Variants in DDX54 observed in about 807,000 individuals in gnomAD.
DDX54 encodes ATP-dependent RNA helicase DDX54.
In DDX54, 67 loss-of-function variants were observed where a neutral mutation model predicts 105.5. That is an observed-to-expected ratio of 0.64 (90% CI 0.52 to 0.78). The LOEUF (loss-of-function observed/expected upper bound fraction) is 0.78, where lower values mean the gene tolerates loss of function less well. DDX54 is among the 30% of genes least tolerant of loss of function. The pLI, the probability that DDX54 is intolerant of heterozygous loss-of-function variation, is 0.00. For synonymous variants in DDX54, 514 were observed against 509.9 expected, an observed-to-expected ratio of 1.01 and a Z score of -0.11; for missense variants, 1,206 against 1,230.5, an observed-to-expected ratio of 0.98 and a Z score of 0.30.
chr12:113,184,304 A>G (rs1952500486), intron 1 of DDX54, among the ~76,000 whole-genome samples: 1 of 150,610 alleles, frequency 6.6e-6, no homozygotes, highest in African/African-American at 2.4e-5. Flanking sequence ...CTGATCTTGA[A>G]CTCCTGACCT....
chr12:113,157,452 A>G lies in DDX54; in HGVS notation c.*1425T>C, dbSNP rs1952141938. On this transcript the variant is annotated 3_prime_UTR_variant, in exon 20 of 20. Coordinates refer to ENST00000306014, the MANE Select transcript of DDX54 (RefSeq NM_024072.4). ...CCCAGAACGGTTTAGGATCTCAGTC[A>G]CCACCTCTGGGAACCACCATCATCA... 1 of 663,484 alleles carries G rather than the reference A, an allele frequency of 1.5e-6. No individual in the cohort carries two copies. Among genetic ancestry groups the G allele is most frequent in the Non-Finnish European group, 2.6e-6 (1 of 382,640 alleles). 41.1% of individuals were successfully genotyped at this position (663,484 alleles called of 1,614,324 possible). A position where few individuals can be genotyped will look rare whatever the true frequency, so the allele number is the denominator to read the frequency against.
intron 18 of DDX54, 60 bp from the exon 19 acceptor site, chr12:113,161,442 C>T (rs1592996826): frequency 1.5e-6 from 2 of 1,327,708 alleles, no homozygotes; most frequent in East Asian, 4.6e-5. Flanking sequence ...GGCTCCTCCC[C>T]ACACTGCCCC....
intron 19 of DDX54, 103 bp downstream of exon 19, chr12:113,161,167 G>A (rs1952200073): frequency 2.3e-6 from 2 of 866,472 alleles, no homozygotes; most frequent in Non-Finnish European, 1.7e-6. Flanking sequence ...ACCCAGCTCT[G>A]GGGCTCTGCA....
At chr12:113,160,617 CA>C (rs928295801) in intron 19 of DDX54, among the ~76,000 whole-genome samples, 30 of 152,070 alleles carry the variant, frequency 2.0e-4, no homozygotes, top group African/African-American at 7.0e-4. Flanking sequence ...CAGGCCAGAT[CA>C]AAGAGGTCCA....
intron 17 of DDX54, 35 bp downstream of exon 17, chr12:113,162,897 C>T: frequency 6.5e-7 from 1 of 1,544,344 alleles, no homozygotes. Context: ...GTCACTCACC[C>T]CGAGCATGGA....
intron 7 of DDX54, among the ~76,000 whole-genome samples, chr12:113,176,066 T>A (rs945316128): frequency 2.0e-5 from 3 of 149,150 alleles, no homozygotes; most frequent in East Asian, 2.0e-4. Context: ...ACTTTACAAG[T>A]ATCAAGTCTT....
At chr12:113,181,626 G>A (rs369917888) in intron 1 of DDX54, among the ~76,000 whole-genome samples, 1 of 151,272 alleles carries the variant, frequency 6.6e-6, no homozygotes, top group African/African-American at 2.4e-5. Flanking sequence ...ATACATTAAA[G>A]AGCCAATCGA....
At position 113,164,109 on chromosome 12, in the gene DDX54, C is replaced by T; in HGVS notation, c.1896G>A (p.Gln632=). ...APSRPALQEK[Q]PEKEEEEEAG... is the part of the protein sequence containing the mutation. The stretch of plus-strand genomic sequence containing the variant: ...CCTCCTCCTCCTCCTCCTTCTCAGG[C>T]TGCTTCTCCTGCAGTGCTGGGCGGC... Residue 632 remains glutamine, a synonymous_variant, in exon 15 of 20, where the codon CAG becomes CAA. Transcript: ENST00000306014. The T allele has an allele frequency of 6.4e-7, 1 of 1,551,618 alleles. No individual in the cohort carries two copies. Among genetic ancestry groups the T allele is most frequent in the Non-Finnish European group, 8.7e-7 (1 of 1,147,366 alleles).
rs114497647 is a variant in DDX54, at chr12:113,163,022, C to T, written c.2105G>A (p.Gly702Glu). 4.0e-4 allele frequency: 640 copies of T among 1,609,418 alleles called. 4 individuals are homozygous for T. In the African/African-American group the frequency reaches 7.6e-3, roughly 19 times the overall value. The change falls in exon 17 of 20, where the codon GGA becomes GAA. Residue 702 changes from glycine to glutamate, a missense_variant. Transcript: ENST00000306014. This position sits in a 1 kb window ranked among gnomAD's most constrained non-coding sequence, Gnocchi z 5.9. ...ERGLSISGEG[G>E]AFEQQAAGAV... ...GCCAGCTGCCTGCTGCTCAAAGGCTCCCCCTTCCCCGCTGATGCTCAGGCT... is the reference window on the plus strand; with the variant it reads ...GCCAGCTGCCTGCTGCTCAAAGGCTTCCCCTTCCCCGCTGATGCTCAGGCT...
chr12:113,183,263 G>A (rs1357981102), intron 1 of DDX54, among the ~76,000 whole-genome samples: 1 of 152,272 alleles, frequency 6.6e-6, no homozygotes, highest in Non-Finnish European at 1.5e-5. Flanking sequence ...GCCAGTGCAA[G>A]GTTGGGCCAA....
rs185968676 is a variant in DDX54, at chr12:113,183,276, T to A, written c.174+2002A>T. Among the ~76,000 whole-genome samples the A allele has an allele frequency of 5.9e-5, 9 of 152,364 alleles. No individual in the cohort carries two copies. In the East Asian group the frequency reaches 1.7e-3, roughly 29 times the overall value. The stretch of plus-strand genomic sequence containing the variant: ...CAGCCAGTGCAAGGTTGGGCCAAAT[T>A]TGAACACAGGGCAGTGCCGTGAGAA... On this transcript the variant is annotated intron_variant, in intron 1 of 19. Coordinates refer to ENST00000306014, the MANE Select transcript of DDX54 (RefSeq NM_024072.4).
In DDX54 at chr12:113,163,220, C is replaced by CG; in HGVS notation, c.1992_1993insC (p.Gly665ArgfsTer26). The CG allele has an allele frequency of 6.2e-7, 1 of 1,611,928 alleles. No homozygotes were observed. Among genetic ancestry groups the CG allele is most frequent in the Admixed American group, 1.7e-5 (1 of 60,020 alleles). On this transcript the variant is annotated frameshift_variant, in exon 16 of 20. Coordinates refer to ENST00000306014, the MANE Select transcript of DDX54 (RefSeq NM_024072.4). LOFTEE classifies it high-confidence loss of function. The surrounding 1 kb of genome is among the most constrained non-coding windows in gnomAD (Gnocchi z 5.9). ...GCCTCCTCCCTCCGCCTCTTGGCTC[C>CG]CCTGTTGGGTCCTGACCGCTGCCGC...
intron 19 of DDX54, among the ~76,000 whole-genome samples, chr12:113,159,860 C>G (rs919491782): frequency 6.6e-6 from 1 of 152,206 alleles, no homozygotes; most frequent in Non-Finnish European, 1.5e-5. Flanking sequence ...GCCCTGTGTC[C>G]TCCTCCTCCT....
At position 113,164,219 on chromosome 12, in the gene DDX54, T is replaced by C; in HGVS notation, c.1786A>G (p.Lys596Glu). ...AAGCGGGCGATGGCCTTGCGGTCCT[T>C]CTGCCGCTTGGCGCGCATCACCTGG... ...CSQVMRAKRQKDRKAIARFQQ... is the reference protein window; with the variant it reads ...CSQVMRAKRQEDRKAIARFQQ... Residue 596 changes from lysine (K) to glutamate (E), a missense_variant, in exon 15 of 20, where the codon AAG (lysine) becomes GAG (glutamate). Lys to Glu is a moderately conservative substitution (Grantham distance 56). Around this residue, in one of 3 missense-constraint regions of DDX54, gnomAD observed 961 missense variants for 1,019.1 expected, o/e 0.94. Coordinates refer to ENST00000306014, the MANE Select transcript of DDX54 (RefSeq NM_024072.4). The C allele has an allele frequency of 6.3e-7, 1 of 1,588,758 alleles. No individual in the cohort carries two copies. The highest frequency in any genetic ancestry group is 2.3e-5 in the East Asian group (1 of 43,792).
At chr12:113,169,688 A>G in intron 12 of DDX54, 82 bp downstream of exon 12, 1 of 1,508,522 alleles carries the variant, frequency 6.6e-7, no homozygotes, top group South Asian at 1.2e-5. Flanking sequence ...CTGGGGTCAA[A>G]CCCAGCCCTA....
chr12:113,176,801 T>C, intron 7 of DDX54, 39 bp downstream of exon 7: 2 of 1,607,566 alleles, frequency 1.2e-6, no homozygotes, highest in Non-Finnish European at 1.7e-6. Context: ...GCTTTCCCAG[T>C]TCAGACACAA....
chr12:113,163,386 G>A lies in DDX54; in HGVS notation c.1939-112C>T. The A allele has an allele frequency of 2.1e-6, 3 of 1,451,810 alleles. No homozygotes were observed. The highest frequency in any genetic ancestry group is 2.7e-6 in the Non-Finnish European group (3 of 1,096,352). The allele number at this position is 1,451,810 out of a possible 1,614,324, so 89.9% of individuals were successfully genotyped here. A position where few individuals can be genotyped will look rare whatever the true frequency, so the allele number is the denominator to read the frequency against. ...AGTGAGGGGCCAGTGGCTTCTCGGG[G>A]ACTTTCAAAGCTTCATTTTGCCATT... On this transcript the variant is annotated intron_variant, in intron 15 of 19. Transcript: ENST00000306014. This position sits in a 1 kb window ranked among gnomAD's most constrained non-coding sequence, Gnocchi z 5.9.
In DDX54 at chr12:113,174,870, C is replaced by G. The variant is rs1344656798; in HGVS notation, c.936+5G>C. 3 of 1,614,004 alleles carry G rather than the reference C, an allele frequency of 1.9e-6. No homozygotes were observed. The highest frequency in any genetic ancestry group is 2.5e-6 in the Non-Finnish European group (3 of 1,180,024). The stretch of plus-strand genomic sequence containing the variant: ...CCTCCTGGGATGGGACAGGTGCAGC[C>G]TCACCTTCAGCTGCTCGTTGAGCTT... On this transcript the variant is annotated splice_donor_5th_base_variant and intron_variant, in intron 9 of 19. Coordinates refer to ENST00000306014, the MANE Select transcript of DDX54 (RefSeq NM_024072.4).
intron 10 of DDX54, among the ~76,000 whole-genome samples, chr12:113,174,114 G>C (rs940592614): frequency 6.6e-6 from 1 of 151,878 alleles, no homozygotes; most frequent in Non-Finnish European, 1.5e-5. Context: ...GGGAGGTGGA[G>C]GTTGCAGTGA....
Sources: allele counts gnomAD v4.1 joint callset (sites outside exome capture counted in the v4.1 genomes callset), GRCh38; gene constraint gnomAD v4.1.1; regional missense constraint gnomAD v4.1.1; non-coding constraint Gnocchi (gnomAD v3.1); transcripts MANE v1.5; gene names NCBI Gene and HGNC (gene_info 2026-07-23, HGNC 2026-07-21).